The following CEP85L variants were observed in gnomAD, a reference collection of about 807,000 sequenced individuals.
The protein encoded by CEP85L is centrosomal protein 85L.
A neutral mutation model predicts 100.3 loss-of-function variants in CEP85L; 60 were observed. That is an observed-to-expected ratio of 0.60 (90% CI 0.49 to 0.74). The LOEUF (loss-of-function observed/expected upper bound fraction) is 0.74. Ranked by LOEUF, CEP85L falls within the 30% of genes least tolerant of loss-of-function variation. The probability of loss-of-function intolerance (pLI) is 0.00; values close to 1 mark genes in which losing one functional copy is unlikely to be tolerated. For missense variants in CEP85L, 973 were observed against 936.2 expected, an observed-to-expected ratio of 1.04 and a Z score of -0.51; for synonymous variants, 319 against 322.7, an observed-to-expected ratio of 0.99 and a Z score of 0.12.
At chr6:118,486,168 CTTTGT>C (rs957185910) in intron 6 of CEP85L, among the ~76,000 whole-genome samples, 3 of 151,974 alleles carry the variant, frequency 2.0e-5, no homozygotes, top group African/African-American at 7.3e-5. Flanking sequence ...ATGACAAGCT[CTTTGT>C]TTTGTTTTTT....
chr6:118,705,202 C>G (rs12209566), intron 1 of CEP85L, among the ~76,000 whole-genome samples: 4,428 of 152,316 alleles, frequency 0.029, 96 homozygotes, highest in African/African-American at 0.052. Context: ...CGAACAGTCT[C>G]TAAAAGAAAA....
In CEP85L at chr6:118,464,034, C is replaced by T. The variant is rs1393445932; in HGVS notation, c.*1371G>A. 6.6e-6 allele frequency: 1 copy of T among 152,172 alleles called. No homozygotes were observed. Among genetic ancestry groups the T allele is most frequent in the African/African-American group, 2.4e-5 (1 of 41,460 alleles). The allele number at this position is 152,172 out of a possible 1,614,324, so 9.4% of individuals were successfully genotyped here. Reference sequence around the variant, plus strand: ...AATATTATCCTGCTTGAGTCACACCCTCTACCCCTCCATCTCTTATTTAGT... The same window carrying T: ...AATATTATCCTGCTTGAGTCACACCTTCTACCCCTCCATCTCTTATTTAGT... On this transcript the variant is annotated 3_prime_UTR_variant, in exon 13 of 13. Coordinates refer to ENST00000368491, the MANE Select transcript of CEP85L (RefSeq NM_001042475.3).
chr6:118,527,377 C>G (rs558950969), intron 3 of CEP85L, among the ~76,000 whole-genome samples: 38 of 152,188 alleles, frequency 2.5e-4, no homozygotes, highest in African/African-American at 9.2e-4. Context: ...AGCCAAGAAC[C>G]CATGTGGCCT....
chr6:118,708,464 T>C (rs1349222858), intron 1 of CEP85L, among the ~76,000 whole-genome samples: 2 of 152,208 alleles, frequency 1.3e-5, no homozygotes, highest in Non-Finnish European at 2.9e-5. Context: ...CGAAACAAAA[T>C]TGTGTTAATA....
chr6:118,489,226 C>T (rs1774387742), intron 6 of CEP85L, among the ~76,000 whole-genome samples: 1 of 145,426 alleles, frequency 6.9e-6, no homozygotes, highest in African/African-American at 2.6e-5. Context: ...AAGATCACAC[C>T]ATTGCACTCC....
chr6:118,505,744 T>C (rs1410831580), intron 5 of CEP85L, among the ~76,000 whole-genome samples: 2 of 152,186 alleles, frequency 1.3e-5, no homozygotes, highest in African/African-American at 4.8e-5. Context: ...TCCAATGGGT[T>C]GAACAGGCAG....
At chr6:118,543,800 G>A (rs375570252) in intron 3 of CEP85L, among the ~76,000 whole-genome samples, 19 of 152,296 alleles carry the variant, frequency 1.2e-4, no homozygotes, top group African/African-American at 4.6e-4. Flanking sequence ...TCTCGAAAGA[G>A]AAATCAATAA....
chr6:118,706,803 A>C (rs1473123093), intron 1 of CEP85L, among the ~76,000 whole-genome samples: 1 of 151,876 alleles, frequency 6.6e-6, no homozygotes, highest in Admixed American at 6.6e-5. Context: ...CTCTCCAATC[A>C]CAATCCCCTC....
intron 3 of CEP85L, among the ~76,000 whole-genome samples, chr6:118,552,478 C>T (rs1435963483): frequency 6.6e-6 from 1 of 151,982 alleles, no homozygotes; most frequent in Non-Finnish European, 1.5e-5. Flanking sequence ...TATTACATTG[C>T]TAAAACAGGA....
At chr6:118,488,581 CA>C in intron 6 of CEP85L, among the ~76,000 whole-genome samples, 1 of 151,610 alleles carries the variant, frequency 6.6e-6, no homozygotes, top group Non-Finnish European at 1.5e-5. Flanking sequence ...GTAGGAGTCC[CA>C]AAAAAGGAAG....
At chr6:118,497,540 T>C (rs1441640701) in intron 5 of CEP85L, among the ~76,000 whole-genome samples, 1 of 152,196 alleles carries the variant, frequency 6.6e-6, no homozygotes, top group Non-Finnish European at 1.5e-5. Flanking sequence ...TGTTATGTGC[T>C]TGAATCATCC....
At chr6:118,600,043 AT>A (rs1781646149) in intron 2 of CEP85L, among the ~76,000 whole-genome samples, 1 of 151,918 alleles carries the variant, frequency 6.6e-6, no homozygotes, top group Non-Finnish European at 1.5e-5. Context: ...TGGTTAAAAA[AT>A]AAATGTGTAC....
At chr6:118,656,286 G>A (rs1275945172), upstream of CEP85L, among the ~76,000 whole-genome samples, 1 of 152,238 alleles carries the variant, frequency 6.6e-6, no homozygotes, top group Admixed American at 6.5e-5. Flanking sequence ...GAAACTGGGT[G>A]TAGCCTATCT....
chr6:118,549,934 T>C (rs1778442104), intron 3 of CEP85L, among the ~76,000 whole-genome samples: 2 of 151,896 alleles, frequency 1.3e-5, no homozygotes, highest in African/African-American at 2.4e-5. Flanking sequence ...AAATTTCAAA[T>C]ATAATGTGGT....
chr6:118,661,509 A>G (rs987142249), intron 1 of CEP85L, among the ~76,000 whole-genome samples: 2 of 152,038 alleles, frequency 1.3e-5, no homozygotes, highest in African/African-American at 4.8e-5. Flanking sequence ...TGCTCCAGTT[A>G]ACTATTAATA....
At chr6:118,668,036 A>G (rs1776184903) in intron 1 of CEP85L, among the ~76,000 whole-genome samples, 1 of 152,236 alleles carries the variant, frequency 6.6e-6, no homozygotes, top group African/African-American at 2.4e-5. Flanking sequence ...CAAAAAGCAA[A>G]ACAGTCTCAA....
At chr6:118,509,183 G>T (rs1775827331) in intron 5 of CEP85L, among the ~76,000 whole-genome samples, 1 of 151,956 alleles carries the variant, frequency 6.6e-6, no homozygotes, top group Non-Finnish European at 1.5e-5. Flanking sequence ...ACGCTGGCTT[G>T]GAGAGCCCTC....
At chr6:118,690,891 G>A (rs111654361) in intron 1 of CEP85L, among the ~76,000 whole-genome samples, 2,979 of 151,800 alleles carry the variant, frequency 0.02, 124 homozygotes, top group African/African-American at 0.068. Flanking sequence ...CCAGCTACTC[G>A]GGAGGCTGAG....
chr6:118,524,395 G>A (rs1024052509), intron 3 of CEP85L, among the ~76,000 whole-genome samples: 1 of 152,182 alleles, frequency 6.6e-6, no homozygotes, highest in Non-Finnish European at 1.5e-5. Flanking sequence ...AGTGAGCCGA[G>A]ATCACGCCAC....
Sources: gnomAD v4.1 joint callset for allele counts (sites outside exome capture counted in the v4.1 genomes callset) on GRCh38, gnomAD v4.1.1 for gene constraint, MANE v1.5 for transcripts, NCBI Gene and HGNC (gene_info 2026-07-23, HGNC 2026-07-21) for gene names.